Variants in FAM20C observed in about 807,000 individuals in gnomAD.
FAM20C encodes FAM20C golgi associated secretory pathway kinase.
Under a neutral mutation model 51.5 loss-of-function variants are expected in FAM20C, and 40 were observed. The observed-to-expected ratio is 0.78, with a 90% CI of 0.60 to 1.01. The LOEUF is 1.01. Ranked by LOEUF, FAM20C falls within the 50% of genes least tolerant of loss-of-function variation. The pLI is 0.00. For synonymous variants in FAM20C, 406 were observed against 380.6 expected (o/e 1.07, Z -0.78); for missense variants, 861 against 844.7 (o/e 1.02, Z -0.24).
At position 195,534 on chromosome 7, in the gene FAM20C, G is replaced by A. The variant is rs372648423; in HGVS notation, c.606-20G>A. On this transcript the variant is annotated intron_variant, in intron 1 of 9. Transcript: ENST00000313766. Reference sequence around the variant, plus strand: ...GCCTGTTCTTTCCATGCTGATGTTCGTCCTCGCTGCTCCCTGCAGGCCGCA... The same window carrying A: ...GCCTGTTCTTTCCATGCTGATGTTCATCCTCGCTGCTCCCTGCAGGCCGCA... 7 of 1,511,500 alleles carry A rather than the reference G, an allele frequency of 4.6e-6. No homozygotes were observed. In the East Asian group the frequency reaches 7.3e-5, roughly 16 times the overall value. 93.6% of individuals were successfully genotyped at this position (1,511,500 alleles called of 1,614,324 possible).
At chr7:246,210 C>T (rs1276584872) in intron 3 of FAM20C, 4 of 541,466 alleles carry the variant, frequency 7.4e-6, no homozygotes, top group Non-Finnish European at 1.3e-5. Context: ...AGCTGGGACC[C>T]CCGGCCTCCG....
Position 221,991 on chromosome 7 carries a change from G to A in FAM20C, c.863+13015G>A, listed in dbSNP as rs1412908874. ...GCATCTGGGCACAGGGTGGAGCCTC[G>A]TCTCCAGCAGGGCAGGGGGCTGCAG... On this transcript the variant is annotated intron_variant, in intron 3 of 9. Coordinates refer to ENST00000313766, the MANE Select transcript of FAM20C (RefSeq NM_020223.4). Among the ~76,000 whole-genome samples, 7 of 62,528 alleles carry A rather than the reference G, an allele frequency of 1.1e-4. 2 individuals carry two copies. The highest frequency in any genetic ancestry group is 4.0e-4 in the African/African-American group (7 of 17,510). 41.0% of individuals were successfully genotyped at this position (62,528 alleles called of 152,430 possible). A position where few individuals can be genotyped will look rare whatever the true frequency, so the allele number is the denominator to read the frequency against.
rs139910355 is a variant in FAM20C at position 250,519 on chromosome 7, G to A, written c.1072+2089G>A. On this transcript the variant is annotated intron_variant, in intron 5 of 9. Coordinates refer to ENST00000313766, the MANE Select transcript of FAM20C (RefSeq NM_020223.4). ...AGGCACACCTCCAGTGATGGGGAAC[G>A]CATTGGCTCACAGACAATTCAGTCC... 8.9e-3 allele frequency among the ~76,000 whole-genome samples: 1,358 copies of A among 152,266 alleles called. 6 individuals carry two copies. The highest frequency in any genetic ancestry group is 0.027 in the Middle Eastern group (8 of 294).
intron 3 of FAM20C, among the ~76,000 whole-genome samples, chr7:222,519 T>TGTCCTG (rs1291556304): frequency 2.0e-5 from 3 of 151,402 alleles, no homozygotes; most frequent in Non-Finnish European, 4.4e-5. Context: ...GAGAGGGGAG[T>TGTCCTG]GCACAGGTGT....
chr7:230,414 T>C (rs995311627), intron 3 of FAM20C, among the ~76,000 whole-genome samples: 23 of 141,306 alleles, frequency 1.6e-4, no homozygotes, highest in Non-Finnish European at 2.6e-4. Context: ...AAAGTGCCCC[T>C]GTCTGTGGTT....
intron 3 of FAM20C, among the ~76,000 whole-genome samples, chr7:213,518 T>C (rs1786827222): frequency 6.6e-6 from 1 of 152,240 alleles, no homozygotes; most frequent in African/African-American, 2.4e-5. Flanking sequence ...TGCCTCCCTG[T>C]TTTTCATGGC....
intron 2 of FAM20C, among the ~76,000 whole-genome samples, chr7:202,693 G>C (rs1418908614): frequency 1.3e-5 from 2 of 150,858 alleles, no homozygotes; most frequent in African/African-American, 4.9e-5. Context: ...CTTCCCGTGT[G>C]CATAGCGAGG....
In FAM20C at chr7:195,570, G is replaced by T; in HGVS notation, c.622G>T (p.Glu208Ter). The T allele has an allele frequency of 6.3e-7, 1 of 1,590,238 alleles. No individual in the cohort carries two copies. The highest frequency in any genetic ancestry group is 1.1e-5 in the South Asian group (1 of 87,918). ...ENPDWPHAGA[E>*]GAEFLSPGEA... is the part of the protein sequence containing the mutation. Reference sequence around the variant, plus strand: ...TCCCTGCAGGCCGCATGCGGGTGCTGAAGGTGCAGAATTCCTCTCCCCCGG... The same window carrying T: ...TCCCTGCAGGCCGCATGCGGGTGCTTAAGGTGCAGAATTCCTCTCCCCCGG... Residue 208 changes from glutamate (E) to a stop codon, truncating the protein, a stop_gained, in exon 2 of 10, where the codon GAA becomes TAA. Transcript: ENST00000313766. LOFTEE classifies it high-confidence loss of function.
chr7:196,899 T>C (rs1785899249), intron 2 of FAM20C, among the ~76,000 whole-genome samples: 1 of 151,786 alleles, frequency 6.6e-6, no homozygotes, highest in African/African-American at 2.4e-5. Flanking sequence ...AAGCTGGGAG[T>C]CCTCTTCCCT....
intron 3 of FAM20C, among the ~76,000 whole-genome samples, chr7:218,329 T>C (rs1362775820): frequency 6.6e-6 from 1 of 152,180 alleles, no homozygotes; most frequent in African/African-American, 2.4e-5. Flanking sequence ...TTTCCGGTGC[T>C]CCCGTCCTGG....
intron 5 of FAM20C, among the ~76,000 whole-genome samples, chr7:255,335 G>T (rs2115170145): frequency 6.6e-6 from 1 of 152,286 alleles, no homozygotes; most frequent in Non-Finnish European, 1.5e-5. Context: ...ACTCACGATG[G>T]CGCCCGTCTC....
At position 223,896 on chromosome 7, in the gene FAM20C, C is replaced by T. The variant is rs956844617; in HGVS notation, c.863+14920C>T. Among the ~76,000 whole-genome samples the T allele has an allele frequency of 5.9e-5, 9 of 152,202 alleles. No homozygotes were observed. The East Asian group carries it at 7.7e-4, about 13-fold the overall frequency. On this transcript the variant is annotated intron_variant, in intron 3 of 9. Transcript: ENST00000313766. ...CAGGCATCTCAGAAGCACAGAAGGA[C>T]GAGGAGGCTGAATGGGTGCTGCCCC...
rs563871058 is a variant in FAM20C, at chr7:216,672, A to T, written c.863+7696A>T. ...GTGTGAGTGTGTGTGTGAGAGACAG[A>T]GTGTGTGTGAGAGTGTGTGTGTGTG... is the stretch of plus-strand genomic sequence containing the variant. On this transcript the variant is annotated intron_variant, in intron 3 of 9. Coordinates refer to ENST00000313766, the MANE Select transcript of FAM20C (RefSeq NM_020223.4). Among the ~76,000 whole-genome samples the T allele has an allele frequency of 5.6e-4, 59 of 104,782 alleles. 1 individual carries two copies. The East Asian group carries it at 9.7e-3, about 17-fold the overall frequency. The allele number at this position is 104,782 out of a possible 152,430, so 68.7% of individuals were successfully genotyped here.
chr7:247,124 AG>A (rs901083874), intron 4 of FAM20C, among the ~76,000 whole-genome samples: 3 of 152,158 alleles, frequency 2.0e-5, no homozygotes, highest in Non-Finnish European at 4.4e-5. Flanking sequence ...CTTCCTAAGG[AG>A]GGGGAAGCGA....
intron 3 of FAM20C, among the ~76,000 whole-genome samples, chr7:213,166 T>TA (rs1786804098): frequency 2.7e-5 from 4 of 149,998 alleles, no homozygotes; most frequent in Admixed American, 2.6e-4. Context: ...CTGCAGTGTG[T>TA]GGTCCTTTGT....
intron 3 of FAM20C, among the ~76,000 whole-genome samples, chr7:213,631 C>G (rs190656798): frequency 6.6e-6 from 1 of 151,998 alleles, no homozygotes; most frequent in African/African-American, 2.4e-5. Context: ...TTTGAGCAAC[C>G]GTGTATGAGG....
At chr7:213,661 T>G (rs1399013482) in intron 3 of FAM20C, among the ~76,000 whole-genome samples, 2 of 152,210 alleles carry the variant, frequency 1.3e-5, no homozygotes, top group Non-Finnish European at 2.9e-5. Flanking sequence ...GCAGGTATTT[T>G]CAGCTCTCTT....
At chr7:256,631 C>G in intron 6 of FAM20C, 23 bp from the exon 7 acceptor site, 1 of 1,526,406 alleles carries the variant, frequency 6.6e-7, no homozygotes, top group Non-Finnish European at 8.8e-7. Context: ...CTGGGCCCCC[C>G]GTCTCACGCT....
intron 5 of FAM20C, among the ~76,000 whole-genome samples, chr7:253,951 G>C (rs962646024): frequency 2.0e-5 from 3 of 152,194 alleles, no homozygotes; most frequent in Non-Finnish European, 4.4e-5. Flanking sequence ...GGGCTGCCTC[G>C]TCCGACTGTG....
Sources: gnomAD v4.1 joint callset for allele counts (sites outside exome capture counted in the v4.1 genomes callset) on GRCh38, gnomAD v4.1.1 for gene constraint, MANE v1.5 for transcripts, NCBI Gene and HGNC (gene_info 2026-07-23, HGNC 2026-07-21) for gene names.